The following CARMIL1 variants were observed in gnomAD, a reference collection of about 807,000 sequenced individuals.
CARMIL1 encodes capping protein regulator and myosin 1 linker 1, also known as F-actin-uncapping protein LRRC16A.
A neutral mutation model predicts 177.1 loss-of-function variants in CARMIL1; 90 were observed. That is an observed-to-expected ratio of 0.51 (90% CI 0.43 to 0.61). The LOEUF is 0.61. Among genes scored for constraint, CARMIL1 ranks in the 20% least tolerant of loss-of-function variants. The probability of loss-of-function intolerance (pLI) is 0.00; values close to 1 mark genes in which losing one functional copy is unlikely to be tolerated. For missense variants in CARMIL1, 1,380 were observed against 1,667.0 expected, an observed-to-expected ratio of 0.83 and a Z score of 3.00; for synonymous variants, 577 against 606.2, an observed-to-expected ratio of 0.95 and a Z score of 0.71.
At chr6:25,430,027 G>T (rs1454413296) in intron 4 of CARMIL1, among the ~76,000 whole-genome samples, 3 of 151,898 alleles carry the variant, frequency 2.0e-5, no homozygotes, top group Non-Finnish European at 2.9e-5. Context: ...TGTATTTTTA[G>T]TAGATATGGG....
intron 2 of CARMIL1, among the ~76,000 whole-genome samples, chr6:25,321,732 C>T (rs1480955262): frequency 1.3e-5 from 2 of 151,714 alleles, no homozygotes; most frequent in Non-Finnish European, 2.9e-5. Flanking sequence ...GATCTCAGCT[C>T]ACTGCAACCT....
intron 2 of CARMIL1, among the ~76,000 whole-genome samples, chr6:25,323,571 T>C (rs1784848490): frequency 6.6e-6 from 1 of 152,146 alleles, no homozygotes; most frequent in African/African-American, 2.4e-5. Flanking sequence ...ATCACACCAC[T>C]GCACTCCAGC....
intron 2 of CARMIL1, among the ~76,000 whole-genome samples, chr6:25,310,859 G>T (rs1206518999): frequency 4.0e-5 from 6 of 151,846 alleles, no homozygotes; most frequent in African/African-American, 1.5e-4. Flanking sequence ...GTGTGATTTT[G>T]TTTTTTTTGT....
intron 2 of CARMIL1, among the ~76,000 whole-genome samples, chr6:25,364,110 AT>A (rs111722698): frequency 4.0e-4 from 60 of 151,396 alleles, no homozygotes; most frequent in African/African-American, 1.0e-3. Flanking sequence ...CATACCCATA[AT>A]TTAAAAAAAA....
chr6:25,317,198 A>G (rs1435704127), intron 2 of CARMIL1, among the ~76,000 whole-genome samples: 4 of 152,074 alleles, frequency 2.6e-5, no homozygotes, highest in South Asian at 2.1e-4. Context: ...CTGAAGTGCT[A>G]TGGCTTACTG....
intron 2 of CARMIL1, among the ~76,000 whole-genome samples, chr6:25,316,548 A>T (rs556624774): frequency 6.2e-4 from 95 of 152,010 alleles, no homozygotes; most frequent in Non-Finnish European, 1.2e-3. Context: ...AGTAGCTGGA[A>T]TTACAGGCGC....
intron 29 of CARMIL1, among the ~76,000 whole-genome samples, chr6:25,566,065 C>G (rs1335694449): frequency 6.6e-6 from 1 of 152,142 alleles, no homozygotes; most frequent in Non-Finnish European, 1.5e-5. Flanking sequence ...CTCTCTTGTT[C>G]TTTCACTGTC....
chr6:25,407,970 TCCTGTCACGCCAG>T (rs1794536388), intron 2 of CARMIL1, among the ~76,000 whole-genome samples: 1 of 152,126 alleles, frequency 6.6e-6, no homozygotes, highest in Non-Finnish European at 1.5e-5. Flanking sequence ...TCTAACAAGT[TCCTGTCACGCCAG>T]CCTCTCTGGC....
At chr6:25,570,616 C>T (rs1282301540) in intron 29 of CARMIL1, among the ~76,000 whole-genome samples, 8 of 152,148 alleles carry the variant, frequency 5.3e-5, no homozygotes, top group Admixed American at 5.2e-4. Flanking sequence ...ATAAGGGAAA[C>T]ATTTTAATTT....
intron 2 of CARMIL1, among the ~76,000 whole-genome samples, chr6:25,332,851 T>C (rs1785822494): frequency 1.3e-5 from 2 of 152,088 alleles, no homozygotes; most frequent in African/African-American, 2.4e-5. Flanking sequence ...TGGTTTCAGC[T>C]TCTTCAGCCA....
At chr6:25,556,680 G>A (rs914484938) in intron 28 of CARMIL1, 21 bp from the exon 29 acceptor site, 2 of 1,598,544 alleles carry the variant, frequency 1.3e-6, no homozygotes, top group Admixed American at 1.8e-5. Context: ...ATTTCTCCTC[G>A]TACACGTCTT....
In CARMIL1 at chr6:25,335,366, G is replaced by A. The variant is rs562588232; in HGVS notation, c.138+50457G>A. 4.6e-5 allele frequency among the ~76,000 whole-genome samples: 7 copies of A among 152,264 alleles called. No individual in the cohort carries two copies. The South Asian group carries it at 1.2e-3, about 27-fold the overall frequency. ...CTGGGTTCCTGGCTTTAAATTATAA[G>A]GATGTGTTAAATTATGAAAATGAAA... On this transcript the variant is annotated intron_variant, in intron 2 of 36. Transcript: ENST00000329474.
chr6:25,292,275 T>C (rs1782032473), intron 2 of CARMIL1, among the ~76,000 whole-genome samples: 1 of 152,148 alleles, frequency 6.6e-6, no homozygotes. Flanking sequence ...ATAGGTGATT[T>C]TCAAAGCACC....
chr6:25,408,292 TAAA>T (rs1166997029), intron 2 of CARMIL1, among the ~76,000 whole-genome samples: 15 of 96,430 alleles, frequency 1.6e-4, no homozygotes, highest in Non-Finnish European at 1.4e-4. Flanking sequence ...TCTCTTAAAA[TAAA>T]AAAAAAAAAA....
rs149398419 is a variant in CARMIL1 at position 25,373,686 on chromosome 6, G to A, written c.139-46428G>A. On this transcript the variant is annotated intron_variant, in intron 2 of 36. Transcript: ENST00000329474. ...CAACCTCCACCTCCCTGGTTCAAGC[G>A]ATTCTCCTGCCTCAGCCTTCCGAGT... Among the ~76,000 whole-genome samples, 958 of 151,506 alleles carry A rather than the reference G, an allele frequency of 6.3e-3. 8 individuals carry two copies. The highest frequency in any genetic ancestry group is 0.021 in the African/African-American group (869 of 41,290).
intron 2 of CARMIL1, among the ~76,000 whole-genome samples, chr6:25,303,436 T>A (rs185825585): frequency 1.3e-5 from 2 of 152,306 alleles, no homozygotes; most frequent in Admixed American, 6.5e-5. Context: ...TCCCAAGATA[T>A]GAATAGGTGT....
At chr6:25,350,421 G>A (rs1304640659) in intron 2 of CARMIL1, among the ~76,000 whole-genome samples, 1 of 152,130 alleles carries the variant, frequency 6.6e-6, no homozygotes, top group Non-Finnish European at 1.5e-5. Context: ...CAGATGACCT[G>A]CAGCACTGGG....
chr6:25,580,864 T>G, intron 29 of CARMIL1, 60 bp from the exon 30 acceptor site: 3 of 1,309,802 alleles, frequency 2.3e-6, no homozygotes, highest in South Asian at 2.5e-5. Flanking sequence ...TTCAGAAGTT[T>G]GAAAGGCAAG....
Position 25,528,939 on chromosome 6 carries a change from C to A in CARMIL1, c.2067+46C>A, listed in dbSNP as rs559279761. ...GACTTCTCCTTCTATTCTTAACTGA[C>A]CCTCTGAGAGCAAAGGACTTCTAGC... On this transcript the variant is annotated intron_variant, in intron 24 of 36. Transcript: ENST00000329474. 22 of 1,434,706 alleles carry A rather than the reference C, an allele frequency of 1.5e-5. No individual in the cohort carries two copies. In the African/African-American group the frequency reaches 1.5e-4, roughly 10 times the overall value. The allele number at this position is 1,434,706 out of a possible 1,614,324, so 88.9% of individuals were successfully genotyped here. A position where few individuals can be genotyped will look rare whatever the true frequency, so the allele number is the denominator to read the frequency against.
Sources: allele counts gnomAD v4.1 joint callset (sites outside exome capture counted in the v4.1 genomes callset), GRCh38; gene constraint gnomAD v4.1.1; transcripts MANE v1.5; gene names NCBI Gene and HGNC (gene_info 2026-07-23, HGNC 2026-07-21).